CLDN16: variants seen among roughly 807,000 people sequenced by gnomAD.
CLDN16 encodes claudin 16, also known as claudin-16.
A neutral mutation model predicts 24.6 loss-of-function variants in CLDN16; 13 were observed. The observed-to-expected ratio is 0.53, with a 90% CI of 0.34 to 0.84. The LOEUF (loss-of-function observed/expected upper bound fraction) is 0.84, where lower values mean the gene tolerates loss of function less well. CLDN16 is among the 40% of genes least tolerant of loss of function. CLDN16 has a pLI of 0.01. For missense variants in CLDN16, 298 were observed against 292.7 expected (o/e 1.02, Z -0.13); for synonymous variants, 116 against 106.7 (o/e 1.09, Z -0.54).
intron 1 of CLDN16, among the ~76,000 whole-genome samples, chr3:190,398,390 T>A (rs1441974431): frequency 6.6e-6 from 1 of 152,212 alleles, no homozygotes; most frequent in Non-Finnish European, 1.5e-5. Flanking sequence ...GCTGTAGGCA[T>A]TCCTTGACTT....
intron 1 of CLDN16, among the ~76,000 whole-genome samples, chr3:190,363,552 G>GTCCA (rs1324473040): frequency 8.2e-5 from 1 of 12,132 alleles, no homozygotes; most frequent in Non-Finnish European, 1.9e-4. Flanking sequence ...GTGTGTGTGT[G>GTCCA]TGTGTATATA....
At chr3:190,354,801 T>A (rs776702544) in intron 1 of CLDN16, among the ~76,000 whole-genome samples, 4 of 152,012 alleles carry the variant, frequency 2.6e-5, no homozygotes, top group Non-Finnish European at 5.9e-5. Context: ...TGGGAAACCC[T>A]AAAGGGTTGA....
intron 1 of CLDN16, among the ~76,000 whole-genome samples, chr3:190,339,160 C>A (rs1432800322): frequency 6.6e-6 from 1 of 152,196 alleles, no homozygotes; most frequent in Non-Finnish European, 1.5e-5. Flanking sequence ...TTGCCTAACT[C>A]TACCCATCCT....
chr3:190,350,937 GGT>G (rs1577405635), intron 1 of CLDN16, among the ~76,000 whole-genome samples: 2 of 152,212 alleles, frequency 1.3e-5, no homozygotes, highest in East Asian at 3.9e-4. Context: ...ATGGTTTGGA[GGT>G]GTGTCTCCGC....
At chr3:190,311,682 CTATTA>C in the CLDN16 span, among the ~76,000 whole-genome samples, 1 of 150,260 alleles carries the variant, frequency 6.7e-6, no homozygotes, top group African/African-American at 2.4e-5. Flanking sequence ...ATATAGTAGT[CTATTA>C]TTATAGCTGT....
chr3:190,340,247 G>T (rs1178799559), intron 1 of CLDN16, among the ~76,000 whole-genome samples: 1 of 152,180 alleles, frequency 6.6e-6, no homozygotes, highest in Non-Finnish European at 1.5e-5. Flanking sequence ...CTGAGATCTG[G>T]TATAAGACAA....
At chr3:190,350,650 G>T (rs1270411882) in intron 1 of CLDN16, among the ~76,000 whole-genome samples, 1 of 152,118 alleles carries the variant, frequency 6.6e-6, no homozygotes, top group Non-Finnish European at 1.5e-5. Context: ...GCACCTTCCA[G>T]ACCTACAGGC....
chr3:190,311,031 A>G, the CLDN16 span, among the ~76,000 whole-genome samples: 1 of 152,202 alleles, frequency 6.6e-6, no homozygotes. Flanking sequence ...GATAGATTAG[A>G]TGTTTCTATG....
chr3:190,323,866 A>C (rs115790501), intron 1 of CLDN16, among the ~76,000 whole-genome samples: 1 of 152,286 alleles, frequency 6.6e-6, no homozygotes, highest in African/African-American at 2.4e-5. Flanking sequence ...AGATGAAGAC[A>C]ATTAATTTGG....
At chr3:190,293,728 G>T in the CLDN16 span, among the ~76,000 whole-genome samples, 1 of 152,166 alleles carries the variant, frequency 6.6e-6, no homozygotes, top group African/African-American at 2.4e-5. Context: ...ATGAGACAAA[G>T]AATGTATTCA....
chr3:190,325,318 G>A (rs10513851), intron 1 of CLDN16, among the ~76,000 whole-genome samples: 7,979 of 151,830 alleles, frequency 0.053, 297 homozygotes, highest in East Asian at 0.15. Context: ...CAAATCAATC[G>A]AGGACAATTT....
chr3:190,394,398 C>T (rs1046529753), intron 1 of CLDN16, among the ~76,000 whole-genome samples: 9 of 152,146 alleles, frequency 5.9e-5, no homozygotes, highest in African/African-American at 1.9e-4. Context: ...AACAAAGTTG[C>T]TCACATTAGT....
intron 1 of CLDN16, among the ~76,000 whole-genome samples, chr3:190,356,696 A>G (rs1717781431): frequency 6.6e-6 from 1 of 151,952 alleles, no homozygotes; most frequent in African/African-American, 2.4e-5. Flanking sequence ...TTGAAGAAAT[A>G]AAGTTTTATC....
intron 1 of CLDN16, among the ~76,000 whole-genome samples, chr3:190,328,276 T>TCA (rs1016223869): frequency 2.0e-5 from 3 of 152,092 alleles, no homozygotes; most frequent in African/African-American, 7.2e-5. Flanking sequence ...GTGAGACCTG[T>TCA]CACACACACA....
At chr3:190,335,983 T>C (rs1717296305) in intron 1 of CLDN16, among the ~76,000 whole-genome samples, 1 of 152,158 alleles carries the variant, frequency 6.6e-6, no homozygotes, top group Admixed American at 6.5e-5. Flanking sequence ...ACAGTACAAT[T>C]GCTAAAGTGT....
chr3:190,408,573 A>G, intron 4 of CLDN16, 68 bp downstream of exon 4: 1 of 1,430,006 alleles, frequency 7.0e-7, no homozygotes, highest in Non-Finnish European at 9.8e-7. Flanking sequence ...AGTGGAAACA[A>G]ATTTCAAAAG....
chr3:190,374,816 T>C (rs1247009752), intron 3 of CLDN16, among the ~76,000 whole-genome samples: 1 of 152,032 alleles, frequency 6.6e-6, no homozygotes, highest in Admixed American at 6.6e-5. Context: ...TCAAAAATTC[T>C]ACATGTATTG....
chr3:190,329,577 A>C (rs1230849110), intron 1 of CLDN16, among the ~76,000 whole-genome samples: 1 of 152,192 alleles, frequency 6.6e-6, no homozygotes, highest in Non-Finnish European at 1.5e-5. Flanking sequence ...GTAAGATGCA[A>C]TTTGGCTGTA....
At chr3:190,374,269 T>TTGTGTGTGTGTG (rs3220823) in intron 2 of CLDN16, among the ~76,000 whole-genome samples, 1,907 of 139,314 alleles carry the variant, frequency 0.014, 32 homozygotes, top group African/African-American at 0.038. Flanking sequence ...CTGAAAAACA[T>TTGTGTGTGTGTG]TGTGTGTGTG....
Sources: gnomAD v4.1 joint callset for allele counts (sites outside exome capture counted in the v4.1 genomes callset) on GRCh38, gnomAD v4.1.1 for gene constraint, MANE v1.5 for transcripts, NCBI Gene and HGNC (gene_info 2026-07-23, HGNC 2026-07-21) for gene names.